The following PCDH15 variants were observed in gnomAD, a reference collection of about 807,000 sequenced individuals.
PCDH15 encodes the protein protocadherin related 15.
PCDH15 carries 129 observed loss-of-function variants against 178.5 expected under a neutral mutation model. That is an observed-to-expected ratio of 0.72 (90% CI 0.63 to 0.84). The LOEUF is 0.84. PCDH15 is among the 40% of genes least tolerant of loss of function. The pLI, the probability that PCDH15 is intolerant of heterozygous loss-of-function variation, is 0.00. For synonymous variants in PCDH15, 800 were observed against 732.0 expected (o/e 1.09, Z -1.50); for missense variants, 2,230 against 2,099.9 (o/e 1.06, Z -1.21).
chr10:53,830,140 A>G (rs2076933622), intron 30 of PCDH15, among the ~76,000 whole-genome samples: 1 of 152,016 alleles, frequency 6.6e-6, no homozygotes, highest in Admixed American at 6.6e-5. Flanking sequence ...CGTCTCTACT[A>G]AAAATACAAA....
At chr10:54,732,032 G>A (rs1213636023) in intron 1 of PCDH15, among the ~76,000 whole-genome samples, 1 of 150,766 alleles carries the variant, frequency 6.6e-6, no homozygotes, top group Admixed American at 6.6e-5. Flanking sequence ...ATACATATAT[G>A]ACATTATCAC....
chr10:54,314,254 C>G (rs916623762), intron 8 of PCDH15, among the ~76,000 whole-genome samples: 1 of 152,004 alleles, frequency 6.6e-6, no homozygotes, highest in African/African-American at 2.4e-5. Context: ...TGTTTTTTCA[C>G]TGTTGTCTTT....
chr10:54,090,510 G>T (rs1035134398), intron 15 of PCDH15, among the ~76,000 whole-genome samples: 1 of 151,882 alleles, frequency 6.6e-6, no homozygotes, highest in Admixed American at 6.6e-5. Flanking sequence ...CGGGTGCAGT[G>T]GTGCACACCT....
intron 21 of PCDH15, among the ~76,000 whole-genome samples, chr10:53,988,513 C>T (rs978171426): frequency 6.6e-6 from 1 of 152,054 alleles, no homozygotes; most frequent in Non-Finnish European, 1.5e-5. Context: ...GGCTACGGTC[C>T]AAACATAGCC....
intron 2 of PCDH15, among the ~76,000 whole-genome samples, chr10:55,146,300 T>A (rs1378463788): frequency 6.6e-6 from 1 of 151,988 alleles, no homozygotes; most frequent in East Asian, 1.9e-4. Context: ...CTGAAAGATA[T>A]GAGCTCAGCT....
At chr10:54,914,008 C>A (rs1274373966) in intron 2 of PCDH15, among the ~76,000 whole-genome samples, 3 of 152,088 alleles carry the variant, frequency 2.0e-5, no homozygotes, top group African/African-American at 7.2e-5. Flanking sequence ...TCATATGAGA[C>A]TTTAGACTGT....
At chr10:55,318,293 A>G (rs1843783863) in intron 1 of PCDH15, among the ~76,000 whole-genome samples, 1 of 152,156 alleles carries the variant, frequency 6.6e-6, no homozygotes, top group Non-Finnish European at 1.5e-5. Flanking sequence ...ATGAGCTCAA[A>G]CTACAGGACA....
chr10:54,424,744 C>A (rs1565239728), intron 3 of PCDH15, among the ~76,000 whole-genome samples: 1 of 151,190 alleles, frequency 6.6e-6, no homozygotes, highest in Non-Finnish European at 1.5e-5. Context: ...TCATTCTGAG[C>A]AAACTATCAC....
At chr10:54,883,123 A>T (rs916404129) in intron 3 of PCDH15, among the ~76,000 whole-genome samples, 3 of 151,926 alleles carry the variant, frequency 2.0e-5, no homozygotes, top group African/African-American at 7.2e-5. Context: ...ACCAAACCTT[A>T]TCTTCCTATA....
chr10:54,740,008 A>C (rs1944582340), intron 1 of PCDH15, among the ~76,000 whole-genome samples: 1 of 152,114 alleles, frequency 6.6e-6, no homozygotes, highest in South Asian at 2.1e-4. Context: ...AAAGCACAGG[A>C]AAGAAAAGCA....
chr10:54,129,763 A>C (rs2133015186), intron 15 of PCDH15, among the ~76,000 whole-genome samples: 1 of 152,262 alleles, frequency 6.6e-6, no homozygotes, highest in East Asian at 1.9e-4. Context: ...GTCTTATGGA[A>C]CCCTTTGTAT....
At chr10:54,205,926 T>C (rs552849978) in intron 10 of PCDH15, among the ~76,000 whole-genome samples, 17 of 152,230 alleles carry the variant, frequency 1.1e-4, no homozygotes, top group African/African-American at 3.4e-4. Context: ...AAAGAGTATA[T>C]TCTTGGTTGG....
intron 20 of PCDH15, among the ~76,000 whole-genome samples, chr10:53,997,597 T>C (rs1399257166): frequency 6.6e-6 from 1 of 152,200 alleles, no homozygotes; most frequent in Non-Finnish European, 1.5e-5. Context: ...TTGGAAAATT[T>C]GATTCTTCAG....
intron 2 of PCDH15, among the ~76,000 whole-genome samples, chr10:54,971,539 T>A (rs1032124425): frequency 2.6e-5 from 4 of 152,216 alleles, no homozygotes; most frequent in African/African-American, 9.6e-5. Context: ...TGTAGCAGCA[T>A]AAACAAAGAT....
chr10:55,388,698 T>C (rs1211714147), intron 2 of PCDH15, among the ~76,000 whole-genome samples: 1 of 152,052 alleles, frequency 6.6e-6, no homozygotes, highest in Non-Finnish European at 1.5e-5. Flanking sequence ...GAGACTATGG[T>C]TTTACTAAAA....
At chr10:54,486,958 G>A (rs2079155340) in intron 3 of PCDH15, among the ~76,000 whole-genome samples, 1 of 151,906 alleles carries the variant, frequency 6.6e-6, no homozygotes, top group African/African-American at 2.4e-5. Flanking sequence ...GAGTTAATGA[G>A]GTCTTCAGAG....
intron 1 of PCDH15, among the ~76,000 whole-genome samples, chr10:55,211,214 T>C (rs139820032): frequency 2.0e-5 from 3 of 152,110 alleles, no homozygotes; most frequent in African/African-American, 4.8e-5. Flanking sequence ...CCTCTGTAAA[T>C]AACTGGATAA....
At chr10:55,585,400 C>T (rs72788847) in intron 2 of PCDH15, among the ~76,000 whole-genome samples, 6,241 of 152,206 alleles carry the variant, frequency 0.041, 191 homozygotes, top group Non-Finnish European at 0.069. Context: ...ATTTTCTGGC[C>T]GGGCGCGTTG....
intron 1 of PCDH15, among the ~76,000 whole-genome samples, chr10:55,314,476 C>T (rs960579311): frequency 6.6e-6 from 1 of 151,734 alleles, no homozygotes; most frequent in East Asian, 1.9e-4. Context: ...CCATGTCATT[C>T]ATTCTTGGGT....
Sources: allele counts gnomAD v4.1 joint callset (sites outside exome capture counted in the v4.1 genomes callset), GRCh38; gene constraint gnomAD v4.1.1; transcripts MANE v1.5; gene names NCBI Gene and HGNC (gene_info 2026-07-23, HGNC 2026-07-21).